Variants in COL5A3 observed in about 807,000 individuals in gnomAD.
The protein encoded by COL5A3 is collagen alpha-3(V) chain.
COL5A3 carries 172 observed loss-of-function variants against 250.0 expected under a neutral mutation model. The ratio of observed to expected loss-of-function variants is 0.69; its 90% CI spans 0.61 to 0.78. COL5A3 has a LOEUF of 0.78. COL5A3 is among the 30% of genes least tolerant of loss of function. The probability of loss-of-function intolerance (pLI) is 0.00; values close to 1 mark genes in which losing one functional copy is unlikely to be tolerated. For synonymous variants in COL5A3, 937 were observed against 900.4 expected (o/e 1.04, Z -0.73); for missense variants, 2,340 against 2,334.4 (o/e 1.00, Z -0.05).
At position 10,010,434 on chromosome 19, in the gene COL5A3, G is replaced by A. The variant is rs1325953336; in HGVS notation, c.-49C>T. Reference sequence around the variant, plus strand: ...CGGGGAACCAGTCGGGGCGGCTGCGGGGCGCGGCGACTTCTCGGGCTCGGT... The same window carrying A: ...CGGGGAACCAGTCGGGGCGGCTGCGAGGCGCGGCGACTTCTCGGGCTCGGT... On this transcript the variant is annotated 5_prime_UTR_variant, in exon 1 of 67. Coordinates refer to ENST00000264828, the MANE Select transcript of COL5A3 (RefSeq NM_015719.4). The A allele has an allele frequency of 6.4e-6, 8 of 1,257,220 alleles. No individual in the cohort carries two copies. The highest frequency in any genetic ancestry group is 8.2e-6 in the Non-Finnish European group (8 of 972,280). The allele number at this position is 1,257,220 out of a possible 1,614,324, so 77.9% of individuals were successfully genotyped here.
intron 6 of COL5A3, among the ~76,000 whole-genome samples, chr19:10,002,485 C>A (rs935230810): frequency 4.7e-5 from 7 of 149,866 alleles, no homozygotes; most frequent in Non-Finnish European, 7.4e-5. Context: ...AGTGACCCAC[C>A]AAGAATGACC....
intron 30 of COL5A3, 74 bp from the exon 31 acceptor site, chr19:9,985,969 G>C: frequency 7.1e-7 from 1 of 1,405,028 alleles, no homozygotes; most frequent in Admixed American, 1.7e-5. Flanking sequence ...AGGCTGGCTG[G>C]GGCATGGTGA....
Position 9,973,613 on chromosome 19 carries a change from C to T in COL5A3, c.3623G>A (p.Gly1208Glu). The T allele has an allele frequency of 1.2e-6, 2 of 1,612,928 alleles. No homozygotes were observed. The highest frequency in any genetic ancestry group is 1.7e-6 in the Non-Finnish European group (2 of 1,179,412). ...PGAVGEKGER[G>E]DAGDPGPPGA... ...TGGAGGCCCTGGGTCTCCAGCGTCC[C>T]CTCGCTCACCCTGCAGGAGGCAAAG... The change falls in exon 50 of 67, where the codon GGG becomes GAG. Residue 1208 changes from glycine (G) to glutamate (E), a missense_variant. Gly to Glu is a moderately conservative substitution (Grantham distance 98). Around this residue, in one of 3 missense-constraint regions of COL5A3, gnomAD observed 1,179 missense variants for 1,162.6 expected, o/e 1.01. Transcript: ENST00000264828.
intron 45 of COL5A3, 145 bp from the exon 46 acceptor site, chr19:9,974,553 G>A (rs2086894796): frequency 1.7e-6 from 1 of 585,642 alleles, no homozygotes; most frequent in South Asian, 2.6e-5. Context: ...TGGAGTTGGG[G>A]TCTAGGTTAA....
intron 23 of COL5A3, 61 bp downstream of exon 23, chr19:9,991,727 C>A: frequency 6.2e-7 from 1 of 1,600,526 alleles, no homozygotes; most frequent in South Asian, 1.1e-5. Flanking sequence ...GAAGCCTGGT[C>A]ACGGTCTAAG....
chr19:9,997,904 C>A (rs776306889), intron 10 of COL5A3, 80 bp downstream of exon 10: 97 of 1,519,938 alleles, frequency 6.4e-5, no homozygotes, highest in Non-Finnish European at 8.4e-5. Flanking sequence ...ACATTACACC[C>A]CAACTCCTCA....
chr19:9,999,462 C>CTTTTTTTTTT (rs2087324665), intron 8 of COL5A3, among the ~76,000 whole-genome samples: 1 of 122,030 alleles, frequency 8.2e-6, no homozygotes, highest in Non-Finnish European at 1.6e-5. Flanking sequence ...TTCTTTTTTT[C>CTTTTTTTTTT]TTTTTTCTTT....
intron 6 of COL5A3, among the ~76,000 whole-genome samples, chr19:10,002,525 C>G (rs2087379977): frequency 6.7e-6 from 1 of 149,276 alleles, no homozygotes; most frequent in African/African-American, 2.5e-5. Flanking sequence ...GATTCTAGAA[C>G]CAGAGACCCA....
rs1196452104 is a variant in COL5A3, at chr19:10,005,588, C to G, written c.564G>C (p.Gly188=). 1 of 1,614,202 alleles carries G rather than the reference C, an allele frequency of 6.2e-7. No homozygotes were observed. The highest frequency in any genetic ancestry group is 2.2e-5 in the East Asian group (1 of 44,882). The change falls in exon 4 of 67, where the codon GGG becomes GGC. Residue 188 remains glycine, a synonymous_variant. Coordinates refer to ENST00000264828, the MANE Select transcript of COL5A3 (RefSeq NM_015719.4). ...FISIAGLTVL[G]TQDLGEKTFE... is the part of the protein sequence containing the mutation. ...AAGTCTTTTCCCCAAGGTCCTGGGT[C>G]CCCAGCACAGTGAGTCCAGCTATGC...
chr19:10,010,432 C>T lies in COL5A3; in HGVS notation c.-47G>A. ...GGCGGGGAACCAGTCGGGGCGGCTGCGGGGCGCGGCGACTTCTCGGGCTCG... is the reference window on the plus strand; with the variant it reads ...GGCGGGGAACCAGTCGGGGCGGCTGTGGGGCGCGGCGACTTCTCGGGCTCG... On this transcript the variant is annotated 5_prime_UTR_variant, in exon 1 of 67. Coordinates refer to ENST00000264828, the MANE Select transcript of COL5A3 (RefSeq NM_015719.4). 1.6e-6 allele frequency: 2 copies of T among 1,252,956 alleles called. No individual in the cohort carries two copies. The highest frequency in any genetic ancestry group is 2.1e-6 in the Non-Finnish European group (2 of 968,704). The allele number at this position is 1,252,956 out of a possible 1,614,324, so 77.6% of individuals were successfully genotyped here. A position where few individuals can be genotyped will look rare whatever the true frequency, so the allele number is the denominator to read the frequency against.
chr19:9,969,672 C>T lies in COL5A3; in HGVS notation c.4001G>A (p.Gly1334Asp). ...CGTCCTCCCTGGGGGCCCATCAGGA[C>T]CTGGCTCCCCCTGAAATGGACACAG... ...EGEKGAKGEPGPDGPPGRTGP... is the reference protein window; with the variant it reads ...EGEKGAKGEPDPDGPPGRTGP... Residue 1334 changes from glycine (G) to aspartate (D), a missense_variant, in exon 56 of 67, where the codon GGT becomes GAT. Transcript: ENST00000264828. 6.3e-7 allele frequency: 1 copy of T among 1,587,502 alleles called. No individual in the cohort carries two copies. The highest frequency in any genetic ancestry group is 8.5e-7 in the Non-Finnish European group (1 of 1,172,746).
chr19:9,973,132 C>T, intron 50 of COL5A3, 106 bp from the exon 51 acceptor site: 3 of 1,036,970 alleles, frequency 2.9e-6, no homozygotes, highest in Non-Finnish European at 4.2e-6. Context: ...TTTCTGGGGT[C>T]AGGGTTCAGA....
Position 9,992,817 on chromosome 19 carries a change from TG to T in COL5A3, c.1848+9del. On this transcript the variant is annotated intron_variant, in intron 21 of 66. Coordinates refer to ENST00000264828, the MANE Select transcript of COL5A3 (RefSeq NM_015719.4). Reference sequence around the variant, plus strand: ...GACAGACAGGGATGCAGAGAGCCAGTGACACTCACCGGGCGACCCGTGGGGC... The same window carrying T: ...GACAGACAGGGATGCAGAGAGCCAGTACACTCACCGGGCGACCCGTGGGGC... 2 of 1,613,518 alleles carry T rather than the reference TG, an allele frequency of 1.2e-6. No homozygotes were observed. The highest frequency in any genetic ancestry group is 1.7e-6 in the Non-Finnish European group (2 of 1,179,598).
Position 10,003,671 on chromosome 19 carries a change from C to T in COL5A3, c.743G>A (p.Gly248Glu), listed in dbSNP as rs756300338. ...CCCTTTCTTCCTCCCTTTTCCCTTC[C>T]CCTTCCGCCGAGGACGAGGGGTTTC... ...EPETPRPRRK[G>E]KGKGRKKGRG... The change falls in exon 6 of 67, where the codon GGG becomes GAG. Residue 248 changes from glycine (G) to glutamate (E), a missense_variant. Around this residue, in one of 3 missense-constraint regions of COL5A3, gnomAD observed 1,152 missense variants for 1,146.3 expected, o/e 1.00. Transcript: ENST00000264828. The T allele has an allele frequency of 1.2e-5, 20 of 1,614,042 alleles. No individual in the cohort carries two copies. The highest frequency in any genetic ancestry group is 2.2e-5 in the South Asian group (2 of 91,088).
intron 8 of COL5A3, among the ~76,000 whole-genome samples, chr19:9,999,983 CTT>C (rs1340457188): frequency 3.9e-5 from 6 of 152,094 alleles, no homozygotes; most frequent in East Asian, 3.9e-4. Flanking sequence ...GTCCCAAACT[CTT>C]GGGCTCAGGT....
rs1272756674 is a variant in COL5A3, at chr19:9,981,096, C to T, written c.2497G>A (p.Gly833Arg). Residue 833 changes from glycine (G) to arginine (R), a missense_variant, in exon 33 of 67, where the codon GGA (glycine) becomes AGA (arginine). Gly to Arg is a moderately radical substitution (Grantham distance 125). Transcript: ENST00000264828. ...ACTGTCTATTTTCTTACTGGTGGTC[C>T]CCGCTCTCCTTCCAGGCCTGGCTGC... ...TGQPGLEGER[G>R]PPGSRGERGQ... 1 of 1,613,822 alleles carries T rather than the reference C, an allele frequency of 6.2e-7. No individual in the cohort carries two copies. The highest frequency in any genetic ancestry group is 1.3e-5 in the African/African-American group (1 of 74,908).
At chr19:9,981,929 A>G in intron 32 of COL5A3, 136 bp downstream of exon 32, 1 of 729,474 alleles carries the variant, frequency 1.4e-6, no homozygotes, top group Non-Finnish European at 2.5e-6. Context: ...TGCATTGCAT[A>G]TAATAGCATG....
intron 45 of COL5A3, among the ~76,000 whole-genome samples, chr19:9,974,958 C>T (rs774429643): frequency 9.9e-5 from 15 of 151,688 alleles, no homozygotes; most frequent in Non-Finnish European, 1.6e-4. Context: ...AGTGCAGTGG[C>T]GCAATCTCTG....
rs781657380 is a variant in COL5A3, at chr19:9,976,570, G to A, written c.3330C>T (p.His1110=). 6.4e-7 allele frequency: 1 copy of A among 1,568,108 alleles called. No homozygotes were observed. The highest frequency in any genetic ancestry group is 1.2e-5 in the South Asian group (1 of 82,218). The part of the protein sequence containing the change: ...GQPGIRGPAG[H]PGPPGADGAQ... Reference sequence around the variant, plus strand: ...TGGGGGCACTCACCGGGGGACCTGGGTGTCCTGCAGGACCCCGTATCCCTG... The same window carrying A: ...TGGGGGCACTCACCGGGGGACCTGGATGTCCTGCAGGACCCCGTATCCCTG... The change falls in exon 45 of 67, where the codon CAC becomes CAT. Residue 1110 remains histidine, a synonymous_variant. Coordinates refer to ENST00000264828, the MANE Select transcript of COL5A3 (RefSeq NM_015719.4).
Sources: allele counts gnomAD v4.1 joint callset (sites outside exome capture counted in the v4.1 genomes callset), GRCh38; gene constraint gnomAD v4.1.1; regional missense constraint gnomAD v4.1.1; transcripts MANE v1.5; gene names NCBI Gene and HGNC (gene_info 2026-07-23, HGNC 2026-07-21).